The following ZFAT variants were observed in gnomAD, a reference collection of about 807,000 sequenced individuals.
ZFAT encodes the protein zinc finger and AT-hook domain containing, also known as zinc finger protein ZFAT.
In ZFAT, 64 loss-of-function variants were observed where a neutral mutation model predicts 117.7. The observed-to-expected ratio is 0.54, with a 90% CI of 0.44 to 0.67. The LOEUF (loss-of-function observed/expected upper bound fraction) is 0.67, where lower values mean the gene tolerates loss of function less well. Among genes scored for constraint, ZFAT ranks in the 30% least tolerant of loss-of-function variants. The pLI, the probability that ZFAT is intolerant of heterozygous loss-of-function variation, is 0.00. For missense variants in ZFAT, 1,433 were observed against 1,584.5 expected (o/e 0.90, Z 1.62); for synonymous variants, 679 against 615.0 (o/e 1.10, Z -1.54).
At position 134,602,360 on chromosome 8, in the gene ZFAT, C is replaced by T. The variant is rs746638519; in HGVS notation, c.1359G>A (p.Lys453=). The T allele has an allele frequency of 3.7e-6, 6 of 1,613,858 alleles. No homozygotes were observed. Among genetic ancestry groups the T allele is most frequent in the Non-Finnish European group, 5.1e-6 (6 of 1,180,054 alleles). Residue 453 remains lysine, a synonymous_variant, in exon 6 of 16, where the codon AAG becomes AAA. Coordinates refer to ENST00000377838, the MANE Select transcript of ZFAT (RefSeq NM_020863.4). ...CGGCACAGACGTACACGAAGGGGTG[C>T]TTCCTGACATGCAGTTCCAGCGCCT... ...KYQALELHVR[K]HPFVYVCAVC... is the part of the protein sequence containing the mutation.
At chr8:134,541,374 A>C (rs1010901051) in intron 11 of ZFAT, among the ~76,000 whole-genome samples, 1 of 152,150 alleles carries the variant, frequency 6.6e-6, no homozygotes, top group African/African-American at 2.4e-5. Context: ...CAGCCCCCTC[A>C]CCATGAGATA....
chr8:134,518,003 C>T (rs1000153549), intron 13 of ZFAT, among the ~76,000 whole-genome samples: 8 of 152,130 alleles, frequency 5.3e-5, no homozygotes, highest in African/African-American at 1.9e-4. Context: ...TTTTTGCCTT[C>T]TGTAATTAAC....
intron 1 of ZFAT, among the ~76,000 whole-genome samples, chr8:134,658,376 A>C (rs985147586): frequency 1.3e-4 from 19 of 151,756 alleles, no homozygotes; most frequent in Non-Finnish European, 1.5e-4. Flanking sequence ...ACTAAATCCT[A>C]CCCCTCAAAT....
intron 3 of ZFAT, among the ~76,000 whole-genome samples, chr8:134,616,588 C>T (rs1429583881): frequency 6.6e-6 from 1 of 152,198 alleles, no homozygotes; most frequent in African/African-American, 2.4e-5. Flanking sequence ...GAATTGCTGA[C>T]TTTTTCAACT....
chr8:134,533,200 C>T (rs1821563668), intron 11 of ZFAT, among the ~76,000 whole-genome samples: 1 of 152,216 alleles, frequency 6.6e-6, no homozygotes, highest in Non-Finnish European at 1.5e-5. Flanking sequence ...GCTGTCTCTA[C>T]TAAGTGAATT....
At chr8:134,759,988 A>C in the ZFAT span, among the ~76,000 whole-genome samples, 35 of 148,428 alleles carry the variant, frequency 2.4e-4, no homozygotes, top group African/African-American at 8.7e-4. Context: ...AAAAAAAAAA[A>C]AACAAACAGA....
rs377173690 is a variant in ZFAT at position 134,509,678 on chromosome 8, C to T, written c.3433G>A (p.Ala1145Thr). ...IIELGAETHD[A>T]TALASVVAMA... ...GCAACCACCGAGGCAAGGGCAGTGGCGTCATGGGTCTCGGCGCCCAGCTCA... is the reference window on the plus strand; with the variant it reads ...GCAACCACCGAGGCAAGGGCAGTGGTGTCATGGGTCTCGGCGCCCAGCTCA... The change falls in exon 15 of 16, where the codon GCC becomes ACC. Residue 1145 changes from alanine (A) to threonine (T), a missense_variant. Around this residue, in one of 5 missense-constraint regions of ZFAT, gnomAD observed 503 missense variants for 543.4 expected, o/e 0.93. Coordinates refer to ENST00000377838, the MANE Select transcript of ZFAT (RefSeq NM_020863.4). 2.2e-5 allele frequency: 35 copies of T among 1,612,870 alleles called. No homozygotes were observed. Among genetic ancestry groups the T allele is most frequent in the East Asian group, 6.7e-5 (3 of 44,836 alleles).
At chr8:134,550,798 C>G (rs562389458) in intron 11 of ZFAT, among the ~76,000 whole-genome samples, 1 of 152,124 alleles carries the variant, frequency 6.6e-6, no homozygotes, top group South Asian at 2.1e-4. Context: ...TAACAAATGG[C>G]CCCTGTTACC....
chr8:134,516,563 G>A (rs777444789), intron 13 of ZFAT, among the ~76,000 whole-genome samples: 3 of 152,168 alleles, frequency 2.0e-5, no homozygotes, highest in African/African-American at 7.2e-5. Context: ...GGCTGGGTAT[G>A]GTGGCTCACA....
chr8:134,815,705 TTC>T, the ZFAT span, among the ~76,000 whole-genome samples: 2 of 152,204 alleles, frequency 1.3e-5, no homozygotes, highest in African/African-American at 4.8e-5. Flanking sequence ...GCACTATCTC[TTC>T]TCTCTGCCAG....
At chr8:134,761,861 C>T in the ZFAT span, among the ~76,000 whole-genome samples, 1 of 152,132 alleles carries the variant, frequency 6.6e-6, no homozygotes, top group Non-Finnish European at 1.5e-5. Context: ...GGGAGCTCCA[C>T]TTCAGGTCGC....
the ZFAT span, chr8:134,765,886 C>T: frequency 2.0e-5 from 3 of 152,178 alleles, no homozygotes; most frequent in African/African-American, 4.8e-5. Flanking sequence ...ATGAGTTCAG[C>T]TTCCAGGTTA....
chr8:134,657,585 G>T lies in ZFAT; in HGVS notation c.172C>A (p.Pro58Thr), dbSNP rs373946717. The T allele has an allele frequency of 6.2e-7, 1 of 1,612,334 alleles. No individual in the cohort carries two copies. Among genetic ancestry groups the T allele is most frequent in the African/African-American group, 1.3e-5 (1 of 74,772 alleles). ...CCATCTCCGGTTTTGCTTGAGTTGG[G>T]GGGTTCAGGTGTACTCAGAGGCCTA... ...PLRPLSTPEPPNSSKTGDEFL... is the reference protein window; with the variant it reads ...PLRPLSTPEPTNSSKTGDEFL... Residue 58 changes from proline to threonine, a missense_variant, in exon 2 of 16, where the codon CCC (proline) becomes ACC (threonine). Pro to Thr is a conservative substitution (Grantham distance 38, BLOSUM62 -1). Coordinates refer to ENST00000377838, the MANE Select transcript of ZFAT (RefSeq NM_020863.4).
chr8:134,765,165 A>T, the ZFAT span: 2 of 152,218 alleles, frequency 1.3e-5, no homozygotes, highest in Non-Finnish European at 2.9e-5. Context: ...GTTATTATTT[A>T]AAATCAAATT....
chr8:134,728,810 T>C, the ZFAT span, among the ~76,000 whole-genome samples: 10 of 152,380 alleles, frequency 6.6e-5, no homozygotes, highest in East Asian at 1.7e-3. Context: ...AGAATGTTTA[T>C]GCTAAAACAT....
chr8:134,648,597 G>A (rs1439359386), intron 2 of ZFAT, among the ~76,000 whole-genome samples: 2 of 151,978 alleles, frequency 1.3e-5, no homozygotes, highest in Non-Finnish European at 2.9e-5. Context: ...ACAAACTACT[G>A]AACCTAATTC....
intron 11 of ZFAT, among the ~76,000 whole-genome samples, chr8:134,535,476 TC>T (rs1563819740): frequency 1.1e-5 from 1 of 91,942 alleles, no homozygotes. Flanking sequence ...GAGCTCCCTC[TC>T]CCCCTCCCCC....
At chr8:134,565,597 C>A in intron 10 of ZFAT, 176 bp from the exon 11 acceptor site, 1 of 723,960 alleles carries the variant, frequency 1.4e-6, no homozygotes, top group Non-Finnish European at 2.4e-6. Context: ...CAGTCTTCAA[C>A]AGGTGGGAGT....
At chr8:134,491,361 C>T (rs965915677) in intron 15 of ZFAT, among the ~76,000 whole-genome samples, 3 of 152,234 alleles carry the variant, frequency 2.0e-5, no homozygotes, top group Non-Finnish European at 2.9e-5. Context: ...CCAGAGTGGA[C>T]ACTACGCTTA....
Sources: gnomAD v4.1 joint callset for allele counts (sites outside exome capture counted in the v4.1 genomes callset) on GRCh38, gnomAD v4.1.1 for gene constraint, gnomAD v4.1.1 regional missense constraint, MANE v1.5 for transcripts, NCBI Gene and HGNC (gene_info 2026-07-23, HGNC 2026-07-21) for gene names.